TRARG1: variants seen among roughly 807,000 people sequenced by gnomAD.
TRARG1 encodes the protein trafficking regulator of GLUT4 1.
Under a neutral mutation model 13.3 loss-of-function variants are expected in TRARG1, and 16 were observed. That is an observed-to-expected ratio of 1.20 (90% CI 0.81 to 1.83). The LOEUF (loss-of-function observed/expected upper bound fraction) is 1.83. Ranked by LOEUF, TRARG1 falls within the 40% of genes most tolerant of loss-of-function variation. The pLI, the probability that TRARG1 is intolerant of heterozygous loss-of-function variation, is 0.00. For synonymous variants in TRARG1, 113 were observed against 106.2 expected (o/e 1.06, Z -0.39); for missense variants, 250 against 237.4 (o/e 1.05, Z -0.35).
chr17:1,285,144 G>A (rs1248441914), intron 1 of TRARG1, among the ~76,000 whole-genome samples: 2 of 152,186 alleles, frequency 1.3e-5, no homozygotes, highest in South Asian at 4.1e-4. Flanking sequence ...TGGGTGCAGT[G>A]GCTCGTGCCT....
rs188385999 is a variant in TRARG1, at chr17:1,282,013, T to C, written c.387+1625T>C. Reference sequence around the variant, plus strand: ...ACATATATACAGATATACACATATGTACATATACATATGTACATATATACA... The same window carrying C: ...ACATATATACAGATATACACATATGCACATATACATATGTACATATATACA... On this transcript the variant is annotated intron_variant, in intron 1 of 2. Transcript: ENST00000333813. 1.0e-3 allele frequency among the ~76,000 whole-genome samples: 148 copies of C among 147,796 alleles called. 1 individual carries two copies. Among genetic ancestry groups the C allele is most frequent in the African/African-American group, 3.5e-3 (140 of 40,316 alleles).
chr17:1,293,550 AGTTTGATGATGTCGTGGGTTGG>A lies in TRARG1; in HGVS notation c.388-1919_388-1898del, dbSNP rs1341011542. Among the ~76,000 whole-genome samples the A allele has an allele frequency of 2.0e-4, 9 of 45,470 alleles. 1 individual carries two copies. The highest frequency in any genetic ancestry group is 3.5e-4 in the Non-Finnish European group (9 of 25,494). The allele number at this position is 45,470 out of a possible 152,430, so 29.8% of individuals were successfully genotyped here. A position where few individuals can be genotyped will look rare whatever the true frequency, so the allele number is the denominator to read the frequency against. On this transcript the variant is annotated intron_variant, in intron 1 of 2. Coordinates refer to ENST00000333813, the MANE Select transcript of TRARG1 (RefSeq NM_172367.3). ...TTGGGTTTGATGATGTCACGAGTTG[AGTTTGATGATGTCGTGGGTTGG>A]GTTTGATGATGTCGTGGGTTGAGTT...
intron 1 of TRARG1, among the ~76,000 whole-genome samples, chr17:1,285,474 A>G (rs1420558421): frequency 6.6e-6 from 1 of 151,190 alleles, no homozygotes; most frequent in Non-Finnish European, 1.5e-5. Flanking sequence ...TGAGAGGCCA[A>G]GGCGGGTGGA....
chr17:1,288,317 C>G (rs2072038828), intron 1 of TRARG1, among the ~76,000 whole-genome samples: 1 of 134,386 alleles, frequency 7.4e-6, no homozygotes, highest in African/African-American at 2.9e-5. Flanking sequence ...ACGGGTTCCC[C>G]ATCCCCCACG....
chr17:1,294,541 A>G (rs981466916), intron 1 of TRARG1, among the ~76,000 whole-genome samples: 16 of 136,026 alleles, frequency 1.2e-4, no homozygotes, highest in Non-Finnish European at 2.0e-4. Context: ...ATCTTGGCTC[A>G]CTGCAACCTC....
chr17:1,284,830 G>A (rs1431509251), intron 1 of TRARG1, among the ~76,000 whole-genome samples: 3 of 151,852 alleles, frequency 2.0e-5, no homozygotes, highest in African/African-American at 4.8e-5. Flanking sequence ...ACAGGCGCCC[G>A]CCACCACACC....
rs778558992 is a variant in TRARG1, at chr17:1,282,246, G to A, written c.387+1858G>A. 5.5e-3 allele frequency among the ~76,000 whole-genome samples: 518 copies of A among 93,898 alleles called. 13 individuals are homozygous for A. The highest frequency in any genetic ancestry group is 9.1e-3 in the African/African-American group (239 of 26,224). 61.6% of individuals were successfully genotyped at this position (93,898 alleles called of 152,430 possible). A position where few individuals can be genotyped will look rare whatever the true frequency, so the allele number is the denominator to read the frequency against. ...CGTGCGTATATGTACGTATATGCACGTATATGTACGTATATGTACATATAT... is the reference window on the plus strand; with the variant it reads ...CGTGCGTATATGTACGTATATGCACATATATGTACGTATATGTACATATAT... On this transcript the variant is annotated intron_variant, in intron 1 of 2. Coordinates refer to ENST00000333813, the MANE Select transcript of TRARG1 (RefSeq NM_172367.3).
At chr17:1,295,377 C>T (rs1004288560) in intron 1 of TRARG1, 114 bp from the exon 2 acceptor site, 38 of 1,336,986 alleles carry the variant, frequency 2.8e-5, no homozygotes, top group Middle Eastern at 4.3e-4. Flanking sequence ...GCCATGGGGA[C>T]GGGATGTGTC....
rs1007025479 is a variant in TRARG1, at chr17:1,279,964, C to G, written c.-38C>G. The G allele has an allele frequency of 1.3e-6, 2 of 1,576,308 alleles. No individual in the cohort carries two copies. The highest frequency in any genetic ancestry group is 1.7e-6 in the Non-Finnish European group (2 of 1,160,368). ...TGAGGTCCCTCCAGAGCCCCTTGTC[C>G]CAGCCTGGAGCTGCAGCCGCGCAAG... On this transcript the variant is annotated 5_prime_UTR_variant, in exon 1 of 3. Coordinates refer to ENST00000333813, the MANE Select transcript of TRARG1 (RefSeq NM_172367.3).
intron 1 of TRARG1, among the ~76,000 whole-genome samples, chr17:1,282,814 C>G (rs1207876269): frequency 6.6e-6 from 1 of 151,740 alleles, no homozygotes; most frequent in Non-Finnish European, 1.5e-5. Context: ...CTCAGCCTCC[C>G]AAGTAGCTGG....
At position 1,298,365 on chromosome 17, in the gene TRARG1, CCT is replaced by C. The variant is rs2072127862; in HGVS notation, c.*102_*103del. On this transcript the variant is annotated 3_prime_UTR_variant, in exon 3 of 3. Transcript: ENST00000333813. ...CCAGGGTGCTGACTGTCAAGCATCC[CCT>C]GTCCCCAAGTTCCAAAAGCACAGAC... is the stretch of plus-strand genomic sequence containing the variant. 1.3e-5 allele frequency: 17 copies of C among 1,338,766 alleles called. No homozygotes were observed. The highest frequency in any genetic ancestry group is 1.5e-5 in the Non-Finnish European group (14 of 962,828). 82.9% of individuals were successfully genotyped at this position (1,338,766 alleles called of 1,614,324 possible).
intron 1 of TRARG1, among the ~76,000 whole-genome samples, chr17:1,289,381 A>AC (rs1361340796): frequency 2.6e-3 from 19 of 7,256 alleles, no homozygotes; most frequent in Admixed American, 3.8e-3. Context: ...CCCATCCCCC[A>AC]CTGGTTCCCC....
At chr17:1,295,241 G>A (rs2150812171) in intron 1 of TRARG1, among the ~76,000 whole-genome samples, 1 of 152,362 alleles carries the variant, frequency 6.6e-6, no homozygotes, top group East Asian at 1.9e-4. Flanking sequence ...GAAGTGCCAG[G>A]CTTTGCTGGG....
intron 1 of TRARG1, among the ~76,000 whole-genome samples, chr17:1,292,538 G>A (rs540712653): frequency 2.2e-4 from 33 of 152,086 alleles, no homozygotes; most frequent in Non-Finnish European, 3.7e-4. Flanking sequence ...CAGCAACGCT[G>A]ACCTCCGTCC....
At chr17:1,289,437 GGGCTCCTCATCCCCCACC>G (rs1397336352) in intron 1 of TRARG1, among the ~76,000 whole-genome samples, 6 of 78,770 alleles carry the variant, frequency 7.6e-5, no homozygotes, top group African/African-American at 2.6e-4. Flanking sequence ...CATCCCCCAC[GGGCTCCTCATCCCCCACC>G]GGCTCCTCTG....
chr17:1,288,058 A>T (rs903321611), intron 1 of TRARG1, among the ~76,000 whole-genome samples: 2 of 151,870 alleles, frequency 1.3e-5, no homozygotes, highest in Admixed American at 6.6e-5. Flanking sequence ...CGGGGACATC[A>T]TGGCACCCAT....
At chr17:1,284,218 C>T (rs1357151113) in intron 1 of TRARG1, among the ~76,000 whole-genome samples, 2 of 152,188 alleles carry the variant, frequency 1.3e-5, no homozygotes, top group Non-Finnish European at 2.9e-5. Context: ...AGCAACCACT[C>T]ATCTCCTTTC....
At position 1,298,996 on chromosome 17, in the gene TRARG1, C is replaced by T. The variant is rs2072134622; in HGVS notation, c.*732C>T. 6.6e-6 allele frequency: 1 copy of T among 152,312 alleles called. No individual in the cohort carries two copies. The highest frequency in any genetic ancestry group is 1.9e-4 in the East Asian group (1 of 5,198). The allele number at this position is 152,312 out of a possible 1,614,324, so 9.4% of individuals were successfully genotyped here. A position where few individuals can be genotyped will look rare whatever the true frequency, so the allele number is the denominator to read the frequency against. On this transcript the variant is annotated 3_prime_UTR_variant, in exon 3 of 3. Coordinates refer to ENST00000333813, the MANE Select transcript of TRARG1 (RefSeq NM_172367.3). ...CCACACCTGTCAGCTTCGGAAGCAT[C>T]TCTCGAGGACTCTGGTCCCAGGATG...
At position 1,290,885 on chromosome 17, in the gene TRARG1, G is replaced by A. The variant is rs573871934; in HGVS notation, c.388-4606G>A. On this transcript the variant is annotated intron_variant, in intron 1 of 2. Transcript: ENST00000333813. Reference sequence around the variant, plus strand: ...CTGCTGCTCTCGCGATAATGAGTGAGTTCTCGCGAGATCTGATGGATTTTT... The same window carrying A: ...CTGCTGCTCTCGCGATAATGAGTGAATTCTCGCGAGATCTGATGGATTTTT... Among the ~76,000 whole-genome samples, 9 of 148,216 alleles carry A rather than the reference G, an allele frequency of 6.1e-5. No individual in the cohort carries two copies. In the South Asian group the frequency reaches 1.7e-3, roughly 29 times the overall value.
Sources: gnomAD v4.1 joint callset for allele counts (sites outside exome capture counted in the v4.1 genomes callset) on GRCh38, gnomAD v4.1.1 for gene constraint, MANE v1.5 for transcripts, NCBI Gene and HGNC (gene_info 2026-07-23, HGNC 2026-07-21) for gene names.